CRAMP1: variants seen among roughly 807,000 people sequenced by gnomAD.
The protein encoded by CRAMP1 is cramped chromatin regulator 1.
A neutral mutation model predicts 115.4 loss-of-function variants in CRAMP1; 50 were observed. That is an observed-to-expected ratio of 0.43 (90% CI 0.35 to 0.55). CRAMP1 has a LOEUF of 0.55. Ranked by LOEUF, CRAMP1 falls within the 20% of genes least tolerant of loss-of-function variation. The pLI, the probability that CRAMP1 is intolerant of heterozygous loss-of-function variation, is 0.01. For synonymous variants in CRAMP1, 866 were observed against 745.4 expected, an observed-to-expected ratio of 1.16 and a Z score of -2.64; for missense variants, 1,679 against 1,721.7, an observed-to-expected ratio of 0.98 and a Z score of 0.44.
At position 1,614,965 on chromosome 16, in the gene CRAMP1, G is replaced by C. The variant is rs2142165103; in HGVS notation, c.326G>C (p.Gly109Ala). 3 of 1,257,146 alleles carry C rather than the reference G, an allele frequency of 2.4e-6. No individual in the cohort carries two copies. The highest frequency in any genetic ancestry group is 3.0e-6 in the Non-Finnish European group (3 of 1,000,440). The allele number at this position is 1,257,146 out of a possible 1,614,324, so 77.9% of individuals were successfully genotyped here. A position where few individuals can be genotyped will look rare whatever the true frequency, so the allele number is the denominator to read the frequency against. The stretch of plus-strand genomic sequence containing the variant: ...GCTGTGGGGAGCGGCAACGCCGGTG[G>C]CTCGGGGCCCCGCGGAAAAGGTAGG... ...PSAVGSGNAG[G>A]SGPRGKGAEG... Residue 109 changes from glycine (G) to alanine (A), a missense_variant, in exon 2 of 21, where the codon GGC (glycine) becomes GCC (alanine). This residue lies in a region of CRAMP1 where 264 missense variants were observed against 229.7 expected (regional missense o/e 1.15). Transcript: ENST00000397412. The surrounding 1 kb of genome is among the most constrained non-coding windows in gnomAD (Gnocchi z 4.4).
At position 1,656,958 on chromosome 16, in the gene CRAMP1, T is replaced by C; in HGVS notation, c.2201T>C (p.Leu734Pro). ...LHKQRLLSCL[L>P]KLISTEVNPK... ...AAGCAGCGCCTCCTCAGCTGCCTCCTGAAGCTCATTTCCACCGAGGTCAAC... is the reference window on the plus strand; with the variant it reads ...AAGCAGCGCCTCCTCAGCTGCCTCCCGAAGCTCATTTCCACCGAGGTCAAC... The change falls in exon 10 of 21, where the codon CTG becomes CCG. Residue 734 changes from leucine (L) to proline (P), a missense_variant. Physicochemically the swap from Leu to Pro is moderately conservative, Grantham distance 98. This residue lies in a region of CRAMP1 where 709 missense variants were observed against 741.9 expected (regional missense o/e 0.96). Coordinates refer to ENST00000397412, the MANE Select transcript of CRAMP1 (RefSeq NM_020825.4). The surrounding 1 kb of genome is among the most constrained non-coding windows in gnomAD (Gnocchi z 5.6). 2 of 1,554,008 alleles carry C rather than the reference T, an allele frequency of 1.3e-6. No individual in the cohort carries two copies. The highest frequency in any genetic ancestry group is 1.7e-6 in the Non-Finnish European group (2 of 1,148,104).
Position 1,672,001 on chromosome 16 carries a change from C to G in CRAMP1, c.3645+1192C>G. ...GCACACCTTGGACTCTGATGTTTCCCGAGAAGCCAGTCTCTGTCTCTTCCC... is the reference window on the plus strand; with the variant it reads ...GCACACCTTGGACTCTGATGTTTCCGGAGAAGCCAGTCTCTGTCTCTTCCC... On this transcript the variant is annotated intron_variant, in intron 20 of 20. Coordinates refer to ENST00000397412, the MANE Select transcript of CRAMP1 (RefSeq NM_020825.4). The surrounding 1 kb of genome is among the most constrained non-coding windows in gnomAD (Gnocchi z 4.9). Among the ~76,000 whole-genome samples the G allele has an allele frequency of 6.6e-6, 1 of 152,308 alleles. No homozygotes were observed. Among genetic ancestry groups the G allele is most frequent in the South Asian group, 2.1e-4 (1 of 4,822 alleles).
chr16:1,620,699 A>AT (rs1186846850), intron 2 of CRAMP1: 4 of 456,358 alleles, frequency 8.8e-6, no homozygotes, highest in Non-Finnish European at 1.8e-5. Flanking sequence ...TCGGTGAGTC[A>AT]TTTAACTTCT....
At chr16:1,646,558 A>G (rs933531844) in intron 6 of CRAMP1, among the ~76,000 whole-genome samples, 2 of 152,100 alleles carry the variant, frequency 1.3e-5, no homozygotes, top group Non-Finnish European at 2.9e-5. Context: ...TATATTGTAG[A>G]CACAAGTCTT....
At chr16:1,644,074 G>C (rs956228974) in intron 6 of CRAMP1, among the ~76,000 whole-genome samples, 4 of 152,216 alleles carry the variant, frequency 2.6e-5, no homozygotes, top group Admixed American at 6.5e-5. Flanking sequence ...TGGGGAATTT[G>C]CCCGTGTAGC....
chr16:1,640,167 C>T (rs2036620531), intron 5 of CRAMP1, among the ~76,000 whole-genome samples: 1 of 152,220 alleles, frequency 6.6e-6, no homozygotes, highest in South Asian at 2.1e-4. Context: ...TGAAAAACCT[C>T]CTGTATTTTT....
At chr16:1,654,307 G>A (rs2036750979) in intron 8 of CRAMP1, among the ~76,000 whole-genome samples, 1 of 150,568 alleles carries the variant, frequency 6.6e-6, no homozygotes, top group African/African-American at 2.4e-5. Context: ...CGTCTCCCAC[G>A]TTTAAGTGAT....
At chr16:1,613,580 T>C (rs2036383857) in intron 1 of CRAMP1, among the ~76,000 whole-genome samples, 1 of 152,242 alleles carries the variant, frequency 6.6e-6, no homozygotes, top group Non-Finnish European at 1.5e-5. Flanking sequence ...CAGCTCTTGC[T>C]GTGTACCTGA....
rs754545843 is a variant in CRAMP1 at position 1,662,648 on chromosome 16, C to T, written c.2572C>T (p.Arg858Cys). The T allele has an allele frequency of 2.6e-5, 42 of 1,613,920 alleles. No homozygotes were observed. The Admixed American group carries it at 2.7e-4, about 10-fold the overall frequency. The change falls in exon 12 of 21, where the codon CGC becomes TGC. Residue 858 changes from arginine (R) to cysteine (C), a missense_variant. By Grantham distance (180) the Arg-to-Cys change is radical. Coordinates refer to ENST00000397412, the MANE Select transcript of CRAMP1 (RefSeq NM_020825.4). Reference sequence around the variant, plus strand: ...CAGTAAAGAAGCAGAGCTGACTTTCCGCCAGCATCTGAACTCCATCAGTGT... The same window carrying T: ...CAGTAAAGAAGCAGAGCTGACTTTCTGCCAGCATCTGAACTCCATCAGTGT... ...SPSKEAELTF[R>C]QHLNSISMQS...
chr16:1,620,531 G>A (rs1240043589), intron 2 of CRAMP1: 2 of 431,032 alleles, frequency 4.6e-6, no homozygotes, highest in Non-Finnish European at 9.7e-6. Context: ...CTAACCCTCT[G>A]AAGGAAGTTC....
At chr16:1,663,254 CAG>C (rs1033886710) in intron 13 of CRAMP1, among the ~76,000 whole-genome samples, 5 of 152,202 alleles carry the variant, frequency 3.3e-5, no homozygotes, top group African/African-American at 1.2e-4. Context: ...GCCAGGGACT[CAG>C]AGGCACCTCA....
intron 4 of CRAMP1, among the ~76,000 whole-genome samples, chr16:1,634,430 C>T (rs1237778781): frequency 6.6e-6 from 1 of 152,076 alleles, no homozygotes; most frequent in Non-Finnish European, 1.5e-5. Flanking sequence ...GCGAGGAGGC[C>T]TCATTCCTCT....
At position 1,669,483 on chromosome 16, in the gene CRAMP1, C is replaced by T. The variant is rs1172154157; in HGVS notation, c.3499+318C>T. 3.3e-5 allele frequency among the ~76,000 whole-genome samples: 5 copies of T among 152,184 alleles called. No individual in the cohort carries two copies. Among genetic ancestry groups the T allele is most frequent in the East Asian group, 1.9e-4 (1 of 5,196 alleles). On this transcript the variant is annotated intron_variant, in intron 19 of 20. Transcript: ENST00000397412. This position sits in a 1 kb window ranked among gnomAD's most constrained non-coding sequence, Gnocchi z 4.6. ...GCCTTCCCAGTCTGTTCAGCTAGCC[C>T]GGCCCCTCCCGACTGGGTTCTCTTG...
chr16:1,642,104 C>T (rs1042519681), intron 6 of CRAMP1, among the ~76,000 whole-genome samples: 6 of 152,224 alleles, frequency 3.9e-5, no homozygotes, highest in African/African-American at 1.4e-4. Flanking sequence ...ATTGGGTCTG[C>T]ACAACCAGCC....
intron 6 of CRAMP1, 50 bp from the exon 7 acceptor site, chr16:1,652,446 C>G: frequency 1.3e-6 from 2 of 1,497,284 alleles, no homozygotes; most frequent in Non-Finnish European, 1.8e-6. Flanking sequence ...GCCCTTCCGT[C>G]CTTCTGTTCA....
intron 6 of CRAMP1, among the ~76,000 whole-genome samples, chr16:1,650,428 A>G (rs1369538286): frequency 6.6e-6 from 1 of 152,256 alleles, no homozygotes; most frequent in South Asian, 2.1e-4. Flanking sequence ...TTGTATTGGA[A>G]TAAGATTTTT....
At position 1,669,232 on chromosome 16, in the gene CRAMP1, T is replaced by G; in HGVS notation, c.3499+67T>G. ...GCAGGGGCTGGGGTCTGCGGGACAC[T>G]GGATTCTCATTCTACTCAAACTCCC... On this transcript the variant is annotated intron_variant, in intron 19 of 20. Transcript: ENST00000397412. The surrounding 1 kb of genome is among the most constrained non-coding windows in gnomAD (Gnocchi z 4.6). 1.6e-6 allele frequency: 2 copies of G among 1,259,554 alleles called. No individual in the cohort carries two copies. Among genetic ancestry groups the G allele is most frequent in the South Asian group, 3.1e-5 (2 of 63,848 alleles). The allele number at this position is 1,259,554 out of a possible 1,614,324, so 78.0% of individuals were successfully genotyped here.
Position 1,675,477 on chromosome 16 carries a change from T to G in CRAMP1, c.*1432T>G, listed in dbSNP as rs1458266087. On this transcript the variant is annotated 3_prime_UTR_variant, in exon 21 of 21. Transcript: ENST00000397412. ...CCCACCATTCCTCTTCCCCCACATG[T>G]GTGGCACGCTGCAGCCCTCAAGGCC... The G allele has an allele frequency of 6.6e-6, 1 of 152,670 alleles. No individual in the cohort carries two copies. The highest frequency in any genetic ancestry group is 1.5e-5 in the Non-Finnish European group (1 of 68,232). The allele number at this position is 152,670 out of a possible 1,614,324, so 9.5% of individuals were successfully genotyped here. A position where few individuals can be genotyped will look rare whatever the true frequency, so the allele number is the denominator to read the frequency against.
intron 11 of CRAMP1, 88 bp downstream of exon 11, chr16:1,660,151 G>A: frequency 8.1e-7 from 1 of 1,232,962 alleles, no homozygotes; most frequent in Non-Finnish European, 1.1e-6. Flanking sequence ...TGAGAGCACA[G>A]GTGTGCCTGA....
Sources: allele counts gnomAD v4.1 joint callset (sites outside exome capture counted in the v4.1 genomes callset), GRCh38; gene constraint gnomAD v4.1.1; regional missense constraint gnomAD v4.1.1; non-coding constraint Gnocchi (gnomAD v3.1); transcripts MANE v1.5; gene names NCBI Gene and HGNC (gene_info 2026-07-23, HGNC 2026-07-21).